The following PCDHA9 variants were observed in gnomAD, a reference collection of about 807,000 sequenced individuals.
PCDHA9 encodes the protein protocadherin alpha 9, also known as protocadherin alpha-9.
Under a neutral mutation model 62.0 loss-of-function variants are expected in PCDHA9, and 62 were observed. That is an observed-to-expected ratio of 1.00 (90% CI 0.81 to 1.23). The LOEUF is 1.23. Ranked by LOEUF, PCDHA9 falls within the 50% of genes most tolerant of loss-of-function variation. The probability of loss-of-function intolerance (pLI) is 0.00; values close to 1 mark genes in which losing one functional copy is unlikely to be tolerated. For missense variants in PCDHA9, 1,205 were observed against 1,249.8 expected, an observed-to-expected ratio of 0.96 and a Z score of 0.54; for synonymous variants, 557 against 567.6, an observed-to-expected ratio of 0.98 and a Z score of 0.27.
rs1554168215 is a variant in PCDHA9, at chr5:140,876,039, T to A, written c.2394+25150T>A. 3 of 1,613,746 alleles carry A rather than the reference T, an allele frequency of 1.9e-6. No individual in the cohort carries two copies. Among genetic ancestry groups the A allele is most frequent in the South Asian group, 2.2e-5 (2 of 91,062 alleles). On this transcript the variant is annotated intron_variant, in intron 1 of 3. Transcript: ENST00000532602. ...AAATAAAAACAAAAAAAGATAAAAG[T>A]ATATTGCCTGAATTAGTTCTTCGGA...
intron 1 of PCDHA9, among the ~76,000 whole-genome samples, chr5:140,958,710 A>G (rs1446140877): frequency 1.3e-5 from 2 of 152,210 alleles, no homozygotes; most frequent in Non-Finnish European, 2.9e-5. Flanking sequence ...CAACTCTGTT[A>G]TAATAAATGT....
At chr5:140,884,152 T>G (rs1279761986) in intron 1 of PCDHA9, 7 of 1,613,332 alleles carry the variant, frequency 4.3e-6, no homozygotes, top group East Asian at 2.2e-5. Context: ...GGCTGTACAC[T>G]GGCGAGATCA....
chr5:140,882,103 G>A, intron 1 of PCDHA9: 2 of 1,335,054 alleles, frequency 1.5e-6, no homozygotes, highest in Non-Finnish European at 2.0e-6. Context: ...ACGTTTCCGC[G>A]AAGAAAGCCG....
chr5:140,890,966 T>C (rs2062882231), intron 1 of PCDHA9, among the ~76,000 whole-genome samples: 1 of 152,206 alleles, frequency 6.6e-6, no homozygotes, highest in African/African-American at 2.4e-5. Flanking sequence ...TCAGGTTTTG[T>C]TTTTCTGAAA....
chr5:140,857,611 G>A (rs987659739), intron 1 of PCDHA9: 1 of 1,596,436 alleles, frequency 6.3e-7, no homozygotes, highest in Admixed American at 1.7e-5. Flanking sequence ...CGCTGCAGCC[G>A]CTGGACCACG....
chr5:140,946,031 G>A (rs1275615718), intron 1 of PCDHA9, among the ~76,000 whole-genome samples: 2 of 151,984 alleles, frequency 1.3e-5, no homozygotes, highest in African/African-American at 2.4e-5. Flanking sequence ...AAGAAAACAA[G>A]AGTGAAGGGA....
Position 140,853,615 on chromosome 5 carries a change from A to G in PCDHA9, c.2394+2726A>G, listed in dbSNP as rs1265889147. 5 of 988,116 alleles carry G rather than the reference A, an allele frequency of 5.1e-6. 1 individual carries two copies. Among genetic ancestry groups the G allele is most frequent in the Non-Finnish European group, 6.1e-6 (5 of 820,262 alleles). 61.2% of individuals were successfully genotyped at this position (988,116 alleles called of 1,614,324 possible). ...TTTGAGAGCAAAGGGGGTGCTGTAA[A>G]TAAGTATACAAGATCACAGACCTAA... On this transcript the variant is annotated intron_variant, in intron 1 of 3. Coordinates refer to ENST00000532602, the MANE Select transcript of PCDHA9 (RefSeq NM_031857.2).
At chr5:140,941,220 TTTC>T (rs2092903024) in intron 1 of PCDHA9, among the ~76,000 whole-genome samples, 1 of 131,326 alleles carries the variant, frequency 7.6e-6, no homozygotes, top group Non-Finnish European at 1.6e-5. Flanking sequence ...TCTTCCTTTC[TTTC>T]TTTCTTTCTT....
chr5:140,968,121 T>C (rs1554230356), intron 1 of PCDHA9: 2 of 1,614,180 alleles, frequency 1.2e-6, no homozygotes, highest in Non-Finnish European at 1.7e-6. Flanking sequence ...CTCACATCCC[T>C]GCGTACACTG....
chr5:140,928,694 C>T, intron 1 of PCDHA9: 1 of 1,614,166 alleles, frequency 6.2e-7, no homozygotes, highest in South Asian at 1.1e-5. Flanking sequence ...TACCACATCT[C>T]CCGGGCGTCT....
At chr5:140,877,503 G>T in intron 1 of PCDHA9, 1 of 1,613,834 alleles carries the variant, frequency 6.2e-7, no homozygotes. Flanking sequence ...AGGCCCCAAA[G>T]ACGTCGTCGC....
intron 1 of PCDHA9, among the ~76,000 whole-genome samples, chr5:140,880,638 T>C (rs1239160653): frequency 6.6e-6 from 1 of 152,134 alleles, no homozygotes; most frequent in Non-Finnish European, 1.5e-5. Flanking sequence ...ATCAATTCAC[T>C]TGAGAGCCCA....
At chr5:140,900,206 C>A (rs1286660558) in intron 1 of PCDHA9, among the ~76,000 whole-genome samples, 1 of 152,172 alleles carries the variant, frequency 6.6e-6, no homozygotes, top group Non-Finnish European at 1.5e-5. Flanking sequence ...CCAGTTTCAT[C>A]CAGGTTGTTG....
At position 140,856,940 on chromosome 5, in the gene PCDHA9, AC is replaced by A. The variant is rs782681005; in HGVS notation, c.2394+6052del. ...AAGGAAATTTTGGATAAACGAAAGGACGGGAGAAATAAAAGTAAATGATGCT... is the reference window on the plus strand; with the variant it reads ...AAGGAAATTTTGGATAAACGAAAGGAGGGAGAAATAAAAGTAAATGATGCT... On this transcript the variant is annotated intron_variant, in intron 1 of 3. Transcript: ENST00000532602. The A allele has an allele frequency of 1.9e-5, 30 of 1,593,712 alleles. No individual in the cohort carries two copies. In the South Asian group the frequency reaches 3.3e-4, roughly 18 times the overall value.
rs782166832 is a variant in PCDHA9, at chr5:140,882,300, C to G, written c.2394+31411C>G. 1.4e-5 allele frequency: 22 copies of G among 1,613,604 alleles called. No individual in the cohort carries two copies. The East Asian group carries it at 4.5e-4, about 33-fold the overall frequency. The stretch of plus-strand genomic sequence containing the variant: ...TCTTCCTGGCAAGGAGGCCCAAGAC[C>G]GCGGCAACTACTGCTCTGGCTTCTG... On this transcript the variant is annotated intron_variant, in intron 1 of 3. Coordinates refer to ENST00000532602, the MANE Select transcript of PCDHA9 (RefSeq NM_031857.2).
rs782605707 is a variant in PCDHA9 at position 140,857,540 on chromosome 5, T to G, written c.2394+6651T>G. The G allele has an allele frequency of 1.6e-4, 262 of 1,596,716 alleles. 26 individuals carry two copies. Among genetic ancestry groups the G allele is most frequent in the Non-Finnish European group, 2.1e-4 (250 of 1,167,578 alleles). ...GTCCTACTCTCTGGTGGAGCGGCGG[T>G]TGGGCGAGCGCTCGCTGTCGAGCTA... On this transcript the variant is annotated intron_variant, in intron 1 of 3. Transcript: ENST00000532602.
intron 3 of PCDHA9, among the ~76,000 whole-genome samples, chr5:141,002,901 G>C (rs2098101392): frequency 6.6e-6 from 1 of 152,224 alleles, no homozygotes; most frequent in Admixed American, 6.5e-5. Flanking sequence ...GCAAGATGAA[G>C]AGAAGATCAG....
intron 1 of PCDHA9, among the ~76,000 whole-genome samples, chr5:140,900,525 C>A (rs1322679465): frequency 6.6e-6 from 1 of 152,232 alleles, no homozygotes; most frequent in East Asian, 1.9e-4. Context: ...GATCTGCCCA[C>A]CTCGGCTTTC....
rs151084513 is a variant in PCDHA9, at chr5:140,927,608, G to T, written c.2395-51341G>T. The T allele has an allele frequency of 1.2e-6, 2 of 1,614,168 alleles. No individual in the cohort carries two copies. The highest frequency in any genetic ancestry group is 3.3e-4 in the Middle Eastern group (2 of 6,062). Reference sequence around the variant, plus strand: ...CCTGTATTTGAGCGCTCCGTATACCGCACCAAGGTTCCAGAGACTGCACCC... The same window carrying T: ...CCTGTATTTGAGCGCTCCGTATACCTCACCAAGGTTCCAGAGACTGCACCC... On this transcript the variant is annotated intron_variant, in intron 1 of 3. Coordinates refer to ENST00000532602, the MANE Select transcript of PCDHA9 (RefSeq NM_031857.2).
Sources: allele counts gnomAD v4.1 joint callset (sites outside exome capture counted in the v4.1 genomes callset), GRCh38; gene constraint gnomAD v4.1.1; transcripts MANE v1.5; gene names NCBI Gene and HGNC (gene_info 2026-07-23, HGNC 2026-07-21).